Variants in PLA2G4A observed in about 807,000 individuals in gnomAD.
PLA2G4A encodes cytosolic phospholipase A2.
A neutral mutation model predicts 81.9 loss-of-function variants in PLA2G4A; 40 were observed. The observed-to-expected ratio is 0.49, with a 90% CI of 0.38 to 0.64. The LOEUF (loss-of-function observed/expected upper bound fraction) is 0.64, where lower values mean the gene tolerates loss of function less well. Ranked by LOEUF, PLA2G4A falls within the 30% of genes least tolerant of loss-of-function variation. The pLI, the probability that PLA2G4A is intolerant of heterozygous loss-of-function variation, is 0.00. For synonymous variants in PLA2G4A, 302 were observed against 296.9 expected (o/e 1.02, Z -0.18); for missense variants, 715 against 905.1 (o/e 0.79, Z 2.69).
At chr1:186,985,298 T>C (rs1453927503) in intron 17 of PLA2G4A, among the ~76,000 whole-genome samples, 1 of 152,220 alleles carries the variant, frequency 6.6e-6, no homozygotes, top group Non-Finnish European at 1.5e-5. Context: ...GAGCACCTTC[T>C]GTGTATTTAT....
intron 16 of PLA2G4A, among the ~76,000 whole-genome samples, chr1:186,978,181 G>A (rs775072247): frequency 7.2e-5 from 11 of 152,166 alleles, no homozygotes; most frequent in Non-Finnish European, 1.5e-4. Context: ...ACGTAATCTA[G>A]CAGTACACAA....
intron 17 of PLA2G4A, 27 bp downstream of exon 17, chr1:186,979,499 A>C: frequency 7.0e-7 from 1 of 1,422,360 alleles, no homozygotes; most frequent in Non-Finnish European, 9.9e-7. Context: ...GCCATTGACT[A>C]TGTCAAATGA....
chr1:186,872,669 C>T (rs148262941), intron 3 of PLA2G4A, among the ~76,000 whole-genome samples: 308 of 152,046 alleles, frequency 2.0e-3, no homozygotes, highest in African/African-American at 7.1e-3. Flanking sequence ...ATGGTAGGCC[C>T]AGGCACTTTG....
intron 15 of PLA2G4A, among the ~76,000 whole-genome samples, chr1:186,967,093 C>T (rs1657159358): frequency 6.6e-6 from 1 of 152,122 alleles, no homozygotes; most frequent in Non-Finnish European, 1.5e-5. Context: ...CAGGTGGAAT[C>T]AGTGATAGCC....
At chr1:186,969,197 A>G (rs977322515) in intron 15 of PLA2G4A, among the ~76,000 whole-genome samples, 3 of 151,436 alleles carry the variant, frequency 2.0e-5, no homozygotes, top group African/African-American at 7.3e-5. Context: ...CATTGTTTTT[A>G]TTCTTTCTTA....
intron 7 of PLA2G4A, among the ~76,000 whole-genome samples, chr1:186,913,809 A>T (rs1387096423): frequency 6.6e-6 from 1 of 152,204 alleles, no homozygotes; most frequent in African/African-American, 2.4e-5. Context: ...TAAGGGCAGG[A>T]TACAGTTGGA....
In PLA2G4A at chr1:186,898,156, A is replaced by G. The variant is rs898123645; in HGVS notation, c.378+3945A>G. Among the ~76,000 whole-genome samples, 4 of 152,204 alleles carry G rather than the reference A, an allele frequency of 2.6e-5. No individual in the cohort carries two copies. In the East Asian group the frequency reaches 5.8e-4, roughly 22 times the overall value. Reference sequence around the variant, plus strand: ...AATAATGCAAGAATAAAAATCTATCATTTATATAGTATTATATAATTTAAA... The same window carrying G: ...AATAATGCAAGAATAAAAATCTATCGTTTATATAGTATTATATAATTTAAA... On this transcript the variant is annotated intron_variant, in intron 5 of 17. Transcript: ENST00000367466.
chr1:186,867,468 A>C (rs546500667), intron 2 of PLA2G4A, among the ~76,000 whole-genome samples: 20 of 150,602 alleles, frequency 1.3e-4, no homozygotes, highest in Non-Finnish European at 2.2e-4. Context: ...TAATATAAGT[A>C]GTATTGTGTT....
At chr1:186,907,127 C>A in intron 6 of PLA2G4A, 125 bp downstream of exon 6, 1 of 622,128 alleles carries the variant, frequency 1.6e-6, no homozygotes, top group Non-Finnish European at 2.9e-6. Context: ...ATTATGTTTA[C>A]TTTGCTTTTC....
chr1:186,925,106 T>C (rs1321420788), intron 7 of PLA2G4A, among the ~76,000 whole-genome samples: 1 of 152,104 alleles, frequency 6.6e-6, no homozygotes, highest in African/African-American at 2.4e-5. Flanking sequence ...AACAACTGTG[T>C]GCTAAGGACT....
intron 7 of PLA2G4A, among the ~76,000 whole-genome samples, chr1:186,911,770 A>G (rs1453538065): frequency 6.6e-6 from 1 of 152,024 alleles, no homozygotes; most frequent in Non-Finnish European, 1.5e-5. Context: ...ATATGAGGAG[A>G]TTTATTATGA....
Position 186,988,470 on chromosome 1 carries a change from T to G in PLA2G4A, c.2212T>G (p.Phe738Val). The G allele has an allele frequency of 1.2e-6, 2 of 1,612,706 alleles. No homozygotes were observed. The highest frequency in any genetic ancestry group is 2.2e-5 in the East Asian group (1 of 44,780). ...VSLSNVEARR[F>V]FNKEFLSKPK... ...CCTTAGTAATGTTGAGGCAAGAAGATTTTTCAACAAGGAGTTTCTAAGTAA... is the reference window on the plus strand; with the variant it reads ...CCTTAGTAATGTTGAGGCAAGAAGAGTTTTCAACAAGGAGTTTCTAAGTAA... The change falls in exon 18 of 18, where the codon TTT becomes GTT. Residue 738 changes from phenylalanine to valine, a missense_variant. Coordinates refer to ENST00000367466, the MANE Select transcript of PLA2G4A (RefSeq NM_024420.3).
chr1:186,836,177 T>A (rs933356032), intron 1 of PLA2G4A, among the ~76,000 whole-genome samples: 3 of 151,638 alleles, frequency 2.0e-5, no homozygotes, highest in African/African-American at 7.2e-5. Context: ...GCTATTTATA[T>A]GAATTAATAC....
At chr1:186,895,186 G>A (rs1399321162) in intron 5 of PLA2G4A, among the ~76,000 whole-genome samples, 1 of 152,118 alleles carries the variant, frequency 6.6e-6, no homozygotes, top group Admixed American at 6.5e-5. Context: ...AATCCTCTAA[G>A]TCAGGAAACT....
chr1:186,903,973 T>A (rs1407134511), intron 5 of PLA2G4A, among the ~76,000 whole-genome samples: 1 of 152,198 alleles, frequency 6.6e-6, no homozygotes, highest in Admixed American at 6.5e-5. Flanking sequence ...TTTCAGGCAC[T>A]ATGCTTGTTG....
intron 17 of PLA2G4A, among the ~76,000 whole-genome samples, chr1:186,983,351 A>C (rs1657791174): frequency 6.6e-6 from 1 of 152,144 alleles, no homozygotes; most frequent in Non-Finnish European, 1.5e-5. Flanking sequence ...CTCTCTGCCA[A>C]TTACATAGAC....
At chr1:186,953,774 C>T (rs945716128) in intron 13 of PLA2G4A, among the ~76,000 whole-genome samples, 16 of 152,206 alleles carry the variant, frequency 1.1e-4, no homozygotes, top group African/African-American at 3.6e-4. Flanking sequence ...GGGTTTGTCC[C>T]ACAAGTGATG....
chr1:186,939,765 T>A (rs1362375046), intron 9 of PLA2G4A, among the ~76,000 whole-genome samples: 1 of 152,204 alleles, frequency 6.6e-6, no homozygotes. Context: ...TGTAGACATA[T>A]AATCTAGAGT....
chr1:186,923,568 A>G (rs1655439896), intron 7 of PLA2G4A, among the ~76,000 whole-genome samples: 1 of 152,224 alleles, frequency 6.6e-6, no homozygotes, highest in Non-Finnish European at 1.5e-5. Context: ...TATTTAAGCA[A>G]ACAAAACCAA....
Sources: allele counts gnomAD v4.1 joint callset (sites outside exome capture counted in the v4.1 genomes callset), GRCh38; gene constraint gnomAD v4.1.1; transcripts MANE v1.5; gene names NCBI Gene and HGNC (gene_info 2026-07-23, HGNC 2026-07-21).